Variants in SPOCK1 observed in about 807,000 individuals in gnomAD.
SPOCK1 encodes the protein testican-1.
In SPOCK1, 23 loss-of-function variants were observed where a neutral mutation model predicts 55.3. The ratio of observed to expected loss-of-function variants is 0.42; its 90% CI spans 0.30 to 0.59. The LOEUF (loss-of-function observed/expected upper bound fraction) is 0.59, where lower values mean the gene tolerates loss of function less well. Among genes scored for constraint, SPOCK1 ranks in the 20% least tolerant of loss-of-function variants. The pLI is 0.22. For missense variants in SPOCK1, 499 were observed against 552.5 expected, an observed-to-expected ratio of 0.90 and a Z score of 0.97; for synonymous variants, 226 against 221.0, an observed-to-expected ratio of 1.02 and a Z score of -0.20.
At chr5:137,130,019 A>G (rs1753844088) in intron 4 of SPOCK1, among the ~76,000 whole-genome samples, 1 of 152,180 alleles carries the variant, frequency 6.6e-6, no homozygotes, top group Non-Finnish European at 1.5e-5. Context: ...AAGTTTAACT[A>G]TAAACTAAGT....
intron 6 of SPOCK1, among the ~76,000 whole-genome samples, chr5:137,005,100 A>C (rs527673859): frequency 6.6e-6 from 1 of 152,202 alleles, no homozygotes; most frequent in South Asian, 2.1e-4. Context: ...AGCACAGCTG[A>C]TAAGAGAAAC....
intron 2 of SPOCK1, among the ~76,000 whole-genome samples, chr5:137,462,523 C>G (rs1049589211): frequency 6.6e-6 from 1 of 152,182 alleles, no homozygotes. Context: ...GGCTTGGAAC[C>G]CCAGCTCCGC....
chr5:137,169,020 A>G (rs1754699372), intron 3 of SPOCK1, among the ~76,000 whole-genome samples: 1 of 152,208 alleles, frequency 6.6e-6, no homozygotes, highest in Non-Finnish European at 1.5e-5. Context: ...TCAGCCATAA[A>G]AAGGAATGAG....
rs76820383 is a variant in SPOCK1, at chr5:137,263,351, G to A, written c.232+3659C>T. On this transcript the variant is annotated intron_variant, in intron 3 of 10. Transcript: ENST00000394945. ...AATGGTTTTCTTGGGGAAGCATCTT[G>A]CTGACCCAGATCCCCACTGAGAAGC... Among the ~76,000 whole-genome samples, 1,427 of 152,274 alleles carry A rather than the reference G, an allele frequency of 9.4e-3. 6 individuals carry two copies. The highest frequency in any genetic ancestry group is 0.028 in the South Asian group (136 of 4,822).
chr5:137,051,611 G>A (rs1752209838), intron 6 of SPOCK1, among the ~76,000 whole-genome samples: 1 of 152,164 alleles, frequency 6.6e-6, no homozygotes, highest in African/African-American at 2.4e-5. Flanking sequence ...AGAAACCACT[G>A]TTAAAAACAA....
chr5:137,272,880 G>T (rs1220652729), intron 2 of SPOCK1, among the ~76,000 whole-genome samples: 1 of 152,026 alleles, frequency 6.6e-6, no homozygotes, highest in African/African-American at 2.4e-5. Context: ...AGCAATTCCA[G>T]TTTGTAAGCA....
chr5:137,322,847 C>G (rs1385427875), intron 2 of SPOCK1, among the ~76,000 whole-genome samples: 3 of 152,154 alleles, frequency 2.0e-5, no homozygotes, highest in African/African-American at 7.2e-5. Context: ...TTTATTTTCT[C>G]ACAGTTCTGG....
At chr5:137,325,649 G>A (rs905456271) in intron 2 of SPOCK1, among the ~76,000 whole-genome samples, 4 of 152,204 alleles carry the variant, frequency 2.6e-5, no homozygotes, top group Admixed American at 2.6e-4. Context: ...ACACAGAAAG[G>A]AGCAAATCAA....
At chr5:137,209,483 C>T (rs1401319469) in intron 3 of SPOCK1, among the ~76,000 whole-genome samples, 1 of 152,174 alleles carries the variant, frequency 6.6e-6, no homozygotes, top group Non-Finnish European at 1.5e-5. Flanking sequence ...TGGAAGCAGG[C>T]AGCATTACCA....
At chr5:137,269,569 G>A (rs1188572725) in intron 2 of SPOCK1, among the ~76,000 whole-genome samples, 2 of 152,144 alleles carry the variant, frequency 1.3e-5, no homozygotes, top group Admixed American at 6.5e-5. Flanking sequence ...TGGAGTATAC[G>A]TGATCACTCC....
At chr5:137,069,646 C>A in intron 5 of SPOCK1, among the ~76,000 whole-genome samples, 1 of 152,118 alleles carries the variant, frequency 6.6e-6, no homozygotes, top group South Asian at 2.1e-4. Flanking sequence ...GAGGAGCTTC[C>A]TTTCATTCAG....
At chr5:137,353,421 C>T (rs1302305606) in intron 2 of SPOCK1, among the ~76,000 whole-genome samples, 1 of 152,066 alleles carries the variant, frequency 6.6e-6, no homozygotes, top group Non-Finnish European at 1.5e-5. Context: ...TAAATTGTGA[C>T]ACAGGCTAAG....
chr5:136,986,398 T>TAAAACTATCACTAGTCTTAA (rs1282354460), intron 8 of SPOCK1, among the ~76,000 whole-genome samples: 1 of 152,152 alleles, frequency 6.6e-6, no homozygotes, highest in African/African-American at 2.4e-5. Flanking sequence ...AACTCAAACC[T>TAAAACTATCACTAGTCTTAA]AAAACTATCA....
intron 6 of SPOCK1, among the ~76,000 whole-genome samples, chr5:137,024,168 C>T (rs933218125): frequency 2.6e-5 from 4 of 152,050 alleles, no homozygotes; most frequent in Admixed American, 1.3e-4. Flanking sequence ...GAACAGCAAA[C>T]CCAGCAGCAC....
intron 2 of SPOCK1, among the ~76,000 whole-genome samples, chr5:137,404,287 T>G (rs1197125908): frequency 6.6e-6 from 1 of 152,212 alleles, no homozygotes; most frequent in Admixed American, 6.5e-5. Context: ...AAAGGGATCA[T>G]GGGCTGGTGT....
intron 5 of SPOCK1, among the ~76,000 whole-genome samples, chr5:137,095,472 G>T (rs12332664): frequency 0.34 from 51,206 of 152,170 alleles, 8,717 homozygotes; most frequent in Middle Eastern, 0.36. Context: ...TTCTGTCATT[G>T]ATGGTTGTGT....
At chr5:137,429,153 TC>T in intron 2 of SPOCK1, among the ~76,000 whole-genome samples, 1 of 152,336 alleles carries the variant, frequency 6.6e-6, no homozygotes, top group South Asian at 2.1e-4. Flanking sequence ...CTCATTGTTT[TC>T]CCACAGATTG....
chr5:136,995,274 G>A (rs1475731139), intron 6 of SPOCK1, among the ~76,000 whole-genome samples: 1 of 152,134 alleles, frequency 6.6e-6, no homozygotes, highest in Non-Finnish European at 1.5e-5. Flanking sequence ...AAGAAGATAA[G>A]CCCCCACAAG....
chr5:137,274,403 C>T (rs535278702), intron 2 of SPOCK1, among the ~76,000 whole-genome samples: 3 of 152,318 alleles, frequency 2.0e-5, no homozygotes, highest in Non-Finnish European at 4.4e-5. Flanking sequence ...TGGCCTTGCA[C>T]AATCTACTCA....
Sources: allele counts gnomAD v4.1 joint callset (sites outside exome capture counted in the v4.1 genomes callset), GRCh38; gene constraint gnomAD v4.1.1; transcripts MANE v1.5; gene names NCBI Gene and HGNC (gene_info 2026-07-23, HGNC 2026-07-21).